The following CERS6 variants were observed in gnomAD, a reference collection of about 807,000 sequenced individuals.
CERS6 encodes ceramide synthase 6, also known as LAG1 homolog, ceramide synthase 6.
In CERS6, 26 loss-of-function variants were observed where a neutral mutation model predicts 56.8. That is an observed-to-expected ratio of 0.46 (90% confidence interval 0.34 to 0.63). The LOEUF (loss-of-function observed/expected upper bound fraction) is 0.63. Ranked by LOEUF, CERS6 falls within the 30% of genes least tolerant of loss-of-function variation. The pLI is 0.01. For synonymous variants in CERS6, 164 were observed against 173.3 expected, an observed-to-expected ratio of 0.95 and a Z score of 0.42; for missense variants, 415 against 467.5, an observed-to-expected ratio of 0.89 and a Z score of 1.04.
chr2:168,530,525 A>G lies in CERS6; in HGVS notation c.171-17071A>G, dbSNP rs547049825. 5.3e-5 allele frequency among the ~76,000 whole-genome samples: 8 copies of G among 152,276 alleles called. No homozygotes were observed. The South Asian group carries it at 1.7e-3, about 32-fold the overall frequency. On this transcript the variant is annotated intron_variant, in intron 1 of 9. Coordinates refer to ENST00000305747, the MANE Select transcript of CERS6 (RefSeq NM_203463.3). ...TTCTTCTACAATTTGATGTTTTTTTATATCTGGTTTTATGCAGAATACAGG... is the reference window on the plus strand; with the variant it reads ...TTCTTCTACAATTTGATGTTTTTTTGTATCTGGTTTTATGCAGAATACAGG...
At chr2:168,458,242 C>T (rs1428511444) in intron 1 of CERS6, among the ~76,000 whole-genome samples, 1 of 152,198 alleles carries the variant, frequency 6.6e-6, no homozygotes, top group East Asian at 1.9e-4. Context: ...TCTGGCTGGG[C>T]TCACTTTTAG....
intron 4 of CERS6, chr2:168,644,454 G>A (rs1365998961): frequency 5.0e-6 from 3 of 595,074 alleles, no homozygotes; most frequent in Non-Finnish European, 6.3e-6. Flanking sequence ...GTTTAGTAGG[G>A]AAAGCATAAA....
At chr2:168,731,727 C>G (rs1351331572) in intron 8 of CERS6, among the ~76,000 whole-genome samples, 2 of 152,096 alleles carry the variant, frequency 1.3e-5, no homozygotes, top group African/African-American at 4.8e-5. Flanking sequence ...GTGAGTCATC[C>G]CCAGCCACCC....
chr2:168,500,602 T>TG (rs1176805901), intron 1 of CERS6, among the ~76,000 whole-genome samples: 7 of 151,934 alleles, frequency 4.6e-5, no homozygotes, highest in Non-Finnish European at 1.0e-4. Context: ...TACAAGGAGG[T>TG]GGGAGAAGGC....
chr2:168,583,393 T>C (rs1246711548), intron 3 of CERS6, among the ~76,000 whole-genome samples: 1 of 152,202 alleles, frequency 6.6e-6, no homozygotes, highest in African/African-American at 2.4e-5. Flanking sequence ...AGCCCCACTC[T>C]GATTTGGATA....
At chr2:168,747,112 C>G (rs1684130736) in intron 8 of CERS6, among the ~76,000 whole-genome samples, 1 of 151,704 alleles carries the variant, frequency 6.6e-6, no homozygotes, top group South Asian at 2.1e-4. Flanking sequence ...GACCTCGTCT[C>G]TATTAAAAAT....
intron 8 of CERS6, among the ~76,000 whole-genome samples, chr2:168,762,207 C>G (rs1218181264): frequency 6.6e-6 from 1 of 152,012 alleles, no homozygotes; most frequent in African/African-American, 2.4e-5. Context: ...AAAATAGTTT[C>G]TGGAATAAGA....
At chr2:168,512,119 C>T (rs1667317085) in intron 1 of CERS6, among the ~76,000 whole-genome samples, 2 of 152,090 alleles carry the variant, frequency 1.3e-5, no homozygotes, top group African/African-American at 4.8e-5. Context: ...ATATAAGGTA[C>T]CTAGAATAGT....
intron 3 of CERS6, among the ~76,000 whole-genome samples, chr2:168,626,041 C>G (rs1684583210): frequency 6.6e-6 from 1 of 152,076 alleles, no homozygotes; most frequent in South Asian, 2.1e-4. Flanking sequence ...AGTTTGGATG[C>G]TGGAACCAAA....
At chr2:168,520,954 C>G (rs895125274) in intron 1 of CERS6, among the ~76,000 whole-genome samples, 28 of 152,038 alleles carry the variant, frequency 1.8e-4, no homozygotes, top group African/African-American at 6.3e-4. Flanking sequence ...GGAAAGACTT[C>G]TATACTCTTC....
rs73969275 is a variant in CERS6, at chr2:168,597,582, A to G, written c.408-33403A>G. The stretch of plus-strand genomic sequence containing the variant: ...AGCTTCTACTTTTTTCAATTCCCAG[A>G]TAACCATAGATGGTTGAAGGTAGGG... On this transcript the variant is annotated intron_variant, in intron 3 of 9. Transcript: ENST00000305747. 6.8e-3 allele frequency among the ~76,000 whole-genome samples: 1,034 copies of G among 152,324 alleles called. 13 individuals are homozygous for G. The highest frequency in any genetic ancestry group is 0.024 in the African/African-American group (980 of 41,556).
intron 4 of CERS6, among the ~76,000 whole-genome samples, chr2:168,678,039 A>G (rs1444213888): frequency 6.6e-6 from 1 of 152,186 alleles, no homozygotes. Context: ...AAAATTCAGG[A>G]AACAACAGGT....
intron 1 of CERS6, among the ~76,000 whole-genome samples, chr2:168,463,225 A>G (rs1287428140): frequency 6.6e-6 from 1 of 152,222 alleles, no homozygotes; most frequent in Non-Finnish European, 1.5e-5. Flanking sequence ...GGTGTCTCCT[A>G]TTTTAAAGTA....
chr2:168,607,097 A>G (rs1237334741), intron 3 of CERS6, among the ~76,000 whole-genome samples: 2 of 152,060 alleles, frequency 1.3e-5, no homozygotes, highest in Non-Finnish European at 1.5e-5. Context: ...GACTATTACA[A>G]TGGGTTTTTA....
chr2:168,698,134 A>C (rs531813699), intron 6 of CERS6, among the ~76,000 whole-genome samples: 2 of 152,038 alleles, frequency 1.3e-5, no homozygotes, highest in African/African-American at 4.8e-5. Context: ...TGTCTGTATA[A>C]AATATACAAA....
chr2:168,698,442 T>C (rs1416677300), intron 6 of CERS6, among the ~76,000 whole-genome samples: 1 of 151,972 alleles, frequency 6.6e-6, no homozygotes, highest in Non-Finnish European at 1.5e-5. Context: ...GCAAGGCATG[T>C]CTTACATGGT....
intron 4 of CERS6, among the ~76,000 whole-genome samples, chr2:168,689,124 C>G (rs942166485): frequency 1.3e-5 from 2 of 152,124 alleles, no homozygotes; most frequent in African/African-American, 4.8e-5. Context: ...GAACATGAGG[C>G]CTTGCATTTC....
chr2:168,639,434 A>T (rs958318129), intron 4 of CERS6, among the ~76,000 whole-genome samples: 15 of 152,242 alleles, frequency 9.9e-5, no homozygotes, highest in Admixed American at 7.2e-4. Flanking sequence ...TGATTTACTG[A>T]ATTTAGCGAG....
intron 4 of CERS6, among the ~76,000 whole-genome samples, chr2:168,653,118 CTGT>C (rs1685385249): frequency 6.6e-6 from 1 of 152,164 alleles, no homozygotes; most frequent in African/African-American, 2.4e-5. Flanking sequence ...AGCAAAGTTT[CTGT>C]TGTTGTTTTT....
Sources: gnomAD v4.1 joint callset for allele counts (sites outside exome capture counted in the v4.1 genomes callset) on GRCh38, gnomAD v4.1.1 for gene constraint, MANE v1.5 for transcripts, NCBI Gene and HGNC (gene_info 2026-07-23, HGNC 2026-07-21) for gene names.